ODAD2: variants seen among roughly 807,000 people sequenced by gnomAD.
The protein encoded by ODAD2 is outer dynein arm-docking complex subunit 2.
A neutral mutation model predicts 106.8 loss-of-function variants in ODAD2; 89 were observed. That is an observed-to-expected ratio of 0.83 (90% CI 0.70 to 0.99). The LOEUF (loss-of-function observed/expected upper bound fraction) is 0.99. Among genes scored for constraint, ODAD2 ranks in the 50% least tolerant of loss-of-function variants. The pLI is 0.00. For synonymous variants in ODAD2, 404 were observed against 436.2 expected (o/e 0.93, Z 0.92); for missense variants, 1,168 against 1,238.5 (o/e 0.94, Z 0.85).
At chr10:27,972,183 TA>T (rs1053765272) in intron 7 of ODAD2, among the ~76,000 whole-genome samples, 1 of 152,188 alleles carries the variant, frequency 6.6e-6, no homozygotes, top group African/African-American at 2.4e-5. Flanking sequence ...GTAAGTTTCT[TA>T]AACTATTTGT....
At chr10:27,879,553 T>C (rs1186524228) in intron 17 of ODAD2, among the ~76,000 whole-genome samples, 1 of 152,086 alleles carries the variant, frequency 6.6e-6, no homozygotes, top group East Asian at 1.9e-4. Flanking sequence ...CAGATGCTTC[T>C]AAACAGTGAG....
intron 19 of ODAD2, among the ~76,000 whole-genome samples, chr10:27,847,005 C>T (rs959740861): frequency 1.5e-4 from 23 of 152,130 alleles, no homozygotes; most frequent in African/African-American, 4.1e-4. Flanking sequence ...CAAGGAGGAG[C>T]GGGGACCATT....
intron 17 of ODAD2, among the ~76,000 whole-genome samples, chr10:27,887,165 A>C (rs1842280245): frequency 6.6e-6 from 1 of 152,046 alleles, no homozygotes; most frequent in African/African-American, 2.4e-5. Flanking sequence ...TCAAACGTTG[A>C]AATAGGACAT....
At chr10:27,908,825 G>A (rs1843781136) in intron 16 of ODAD2, among the ~76,000 whole-genome samples, 1 of 151,932 alleles carries the variant, frequency 6.6e-6, no homozygotes, top group South Asian at 2.1e-4. Context: ...TTATAAAATT[G>A]GTGACGCTGA....
intron 16 of ODAD2, among the ~76,000 whole-genome samples, chr10:27,922,811 C>G (rs1357595158): frequency 6.6e-6 from 1 of 152,162 alleles, no homozygotes; most frequent in African/African-American, 2.4e-5. Context: ...GTGGCTGAGG[C>G]AGGAGAATCA....
intron 16 of ODAD2, among the ~76,000 whole-genome samples, chr10:27,930,151 C>T (rs1389930035): frequency 6.6e-6 from 1 of 151,840 alleles, no homozygotes; most frequent in African/African-American, 2.4e-5. Flanking sequence ...TTACTCCTAT[C>T]CAGGCTTTTT....
intron 3 of ODAD2, among the ~76,000 whole-genome samples, chr10:27,986,066 A>C (rs1849856404): frequency 6.6e-6 from 1 of 152,200 alleles, no homozygotes; most frequent in South Asian, 2.1e-4. Flanking sequence ...AATGAAGAAA[A>C]GTATAGTGAA....
At chr10:27,907,823 G>T in intron 16 of ODAD2, 46 bp from the exon 17 acceptor site, 1 of 1,230,944 alleles carries the variant, frequency 8.1e-7, no homozygotes. Context: ...ATTAGTATGT[G>T]AAGACAAACA....
At chr10:27,814,984 T>C (rs749619634) in intron 19 of ODAD2, among the ~76,000 whole-genome samples, 30 of 152,180 alleles carry the variant, frequency 2.0e-4, no homozygotes, top group Non-Finnish European at 4.1e-4. Flanking sequence ...CAATGCCTAT[T>C]TTAAATCTTC....
chr10:27,903,145 A>G (rs2133820325), intron 17 of ODAD2, among the ~76,000 whole-genome samples: 1 of 152,350 alleles, frequency 6.6e-6, no homozygotes, highest in Non-Finnish European at 1.5e-5. Context: ...CTGGTTCAAC[A>G]TATGCAAATC....
At chr10:27,974,900 TC>T (rs1196766812) in intron 7 of ODAD2, among the ~76,000 whole-genome samples, 1 of 152,182 alleles carries the variant, frequency 6.6e-6, no homozygotes, top group Non-Finnish European at 1.5e-5. Context: ...TTTGTTTGTG[TC>T]ATCTCTGATT....
intron 17 of ODAD2, among the ~76,000 whole-genome samples, chr10:27,886,315 A>G (rs1842217759): frequency 6.6e-6 from 1 of 151,998 alleles, no homozygotes. Context: ...AACAATATAC[A>G]TATCAGTAGA....
chr10:27,896,779 T>C (rs979015242), intron 17 of ODAD2, among the ~76,000 whole-genome samples: 4 of 152,206 alleles, frequency 2.6e-5, no homozygotes, highest in Admixed American at 6.5e-5. Flanking sequence ...TATAGATATA[T>C]AGATACATGC....
intron 19 of ODAD2, chr10:27,853,227 C>G (rs1468392593): frequency 5.7e-6 from 1 of 176,328 alleles, no homozygotes; most frequent in Non-Finnish European, 1.2e-5. Flanking sequence ...ATTAGCTGGG[C>G]ATGCTGGCAC....
At chr10:27,869,146 A>AT (rs1840668926) in intron 17 of ODAD2, among the ~76,000 whole-genome samples, 1 of 152,086 alleles carries the variant, frequency 6.6e-6, no homozygotes, top group African/African-American at 2.4e-5. Flanking sequence ...CATTTTTGAA[A>AT]TGAAGAGTGA....
chr10:27,815,422 T>C (rs1270102692), intron 19 of ODAD2, among the ~76,000 whole-genome samples: 2 of 152,226 alleles, frequency 1.3e-5, no homozygotes, highest in African/African-American at 4.8e-5. Flanking sequence ...ATCTCCAGTC[T>C]TAAATTCCAT....
chr10:27,833,860 C>T lies in ODAD2; in HGVS notation c.3022-21235G>A, dbSNP rs553805034. ...CAGACAGCAAGGTAAAGGTACACCT[C>T]CCTGAAGAACAAGAGCAAATCTGAA... On this transcript the variant is annotated intron_variant, in intron 19 of 19. Coordinates refer to ENST00000305242, the MANE Select transcript of ODAD2 (RefSeq NM_018076.5). Among the ~76,000 whole-genome samples, 111 of 152,322 alleles carry T rather than the reference C, an allele frequency of 7.3e-4. 1 individual carries two copies. Among genetic ancestry groups the T allele is most frequent in the African/African-American group, 2.6e-3 (110 of 41,564 alleles).
chr10:27,860,507 A>C, intron 19 of ODAD2, 118 bp downstream of exon 19: 2 of 865,416 alleles, frequency 2.3e-6, no homozygotes, highest in Non-Finnish European at 3.6e-6. Flanking sequence ...ATGATGCAGC[A>C]GGCAGGCACT....
At position 27,860,320 on chromosome 10, in the gene ODAD2, G is replaced by A. The variant is rs560644668; in HGVS notation, c.3021+305C>T. On this transcript the variant is annotated intron_variant, in intron 19 of 19. Coordinates refer to ENST00000305242, the MANE Select transcript of ODAD2 (RefSeq NM_018076.5). ...TTAAAAGAATTAGCCAGGTATGGTG[G>A]CATGCACCTGTAGTCCTGGCTACTT... Among the ~76,000 whole-genome samples the A allele has an allele frequency of 3.0e-4, 45 of 152,132 alleles. No individual in the cohort carries two copies. The Middle Eastern group carries it at 0.01, about 34-fold the overall frequency.
Sources: allele counts gnomAD v4.1 joint callset (sites outside exome capture counted in the v4.1 genomes callset), GRCh38; gene constraint gnomAD v4.1.1; transcripts MANE v1.5; gene names NCBI Gene and HGNC (gene_info 2026-07-23, HGNC 2026-07-21).